ALDH3A2: variants seen among roughly 807,000 people sequenced by gnomAD.
ALDH3A2 encodes the protein aldehyde dehydrogenase family 3 member A2.
A neutral mutation model predicts 51.3 loss-of-function variants in ALDH3A2; 36 were observed. The observed-to-expected ratio is 0.70, with a 90% CI of 0.54 to 0.93. ALDH3A2 has a LOEUF of 0.93. ALDH3A2 is among the 40% of genes least tolerant of loss of function. The pLI is 0.00. For synonymous variants in ALDH3A2, 199 were observed against 219.8 expected (o/e 0.91, Z 0.84); for missense variants, 552 against 603.1 (o/e 0.92, Z 0.89).
At chr17:19,656,325 T>G in intron 3 of ALDH3A2, 41 bp from the exon 4 acceptor site, 1 of 1,516,680 alleles carries the variant, frequency 6.6e-7, no homozygotes, top group African/African-American at 1.4e-5. Flanking sequence ...ACGTTAGGAT[T>G]TATTTGGCAG....
intron 2 of ALDH3A2, among the ~76,000 whole-genome samples, chr17:19,652,164 G>GTATA (rs1327507437): frequency 6.6e-6 from 1 of 152,160 alleles, no homozygotes; most frequent in Non-Finnish European, 1.5e-5. Flanking sequence ...GCTAGCTTGG[G>GTATA]TATATAGCAA....
chr17:19,655,600 C>G (rs1254303113), intron 3 of ALDH3A2, among the ~76,000 whole-genome samples: 2 of 152,236 alleles, frequency 1.3e-5, no homozygotes, highest in African/African-American at 2.4e-5. Flanking sequence ...CAAGTGGAAA[C>G]ATGAGATCCA....
At chr17:19,662,746 A>G (rs1028119567) in intron 6 of ALDH3A2, among the ~76,000 whole-genome samples, 8 of 152,234 alleles carry the variant, frequency 5.3e-5, no homozygotes, top group Non-Finnish European at 8.8e-5. Flanking sequence ...TAAGAAAAAT[A>G]GTATTGATTT....
chr17:19,663,593 C>A (rs923328522), intron 7 of ALDH3A2, 94 bp downstream of exon 7: 3 of 1,418,092 alleles, frequency 2.1e-6, no homozygotes, highest in Admixed American at 1.8e-5. Context: ...CAATGTGAAA[C>A]AATGATGGTT....
chr17:19,650,503 G>C (rs1031498470), intron 1 of ALDH3A2, among the ~76,000 whole-genome samples: 3 of 151,904 alleles, frequency 2.0e-5, no homozygotes, highest in Non-Finnish European at 4.4e-5. Flanking sequence ...TCCCAGGCCG[G>C]ACTGCAGTGG....
rs2085120866 is a variant in ALDH3A2 at position 19,671,919 on chromosome 17, T to C, written c.1406T>C (p.Leu469Pro). 4 of 1,614,198 alleles carry C rather than the reference T, an allele frequency of 2.5e-6. No individual in the cohort carries two copies. The East Asian group carries it at 6.7e-5, about 27-fold the overall frequency. ...AAAGAAAAACTCGGTCTCCTGTTGC[T>C]CACTTTCCTGGGTATTGTAGCCGCT... is the stretch of plus-strand genomic sequence containing the variant. ...FNKEKLGLLL[L>P]TFLGIVAAVL... The change falls in exon 9 of 10, where the codon CTC becomes CCC. Residue 469 changes from leucine to proline, a missense_variant. Coordinates refer to ENST00000176643, the MANE Select transcript of ALDH3A2 (RefSeq NM_000382.3).
At chr17:19,655,690 AC>A (rs1413263940) in intron 3 of ALDH3A2, among the ~76,000 whole-genome samples, 1 of 152,134 alleles carries the variant, frequency 6.6e-6, no homozygotes. Context: ...CTGTTCTCTT[AC>A]TTTTGATGCT....
At chr17:19,658,428 G>T (rs2084925248) in intron 5 of ALDH3A2, among the ~76,000 whole-genome samples, 1 of 152,002 alleles carries the variant, frequency 6.6e-6, no homozygotes, top group Non-Finnish European at 1.5e-5. Context: ...ATTTAAGTTG[G>T]TAGAAAGGAA....
chr17:19,658,550 C>A (rs976310077), intron 5 of ALDH3A2, among the ~76,000 whole-genome samples: 2 of 151,790 alleles, frequency 1.3e-5, no homozygotes, highest in South Asian at 2.1e-4. Context: ...TATGGTGAAA[C>A]CCTGTCTCTA....
At chr17:19,649,290 C>G in intron 1 of ALDH3A2, 166 bp downstream of exon 1, 1 of 929,758 alleles carries the variant, frequency 1.1e-6, no homozygotes, top group South Asian at 1.7e-5. Context: ...CAGACTTTCC[C>G]GGTCCTCTAG....
intron 9 of ALDH3A2, chr17:19,673,027 C>T (rs768199988): frequency 1.1e-5 from 14 of 1,289,792 alleles, no homozygotes; most frequent in East Asian, 2.3e-5. Context: ...GGCAATAGAG[C>T]GAGACTCCAT....
chr17:19,660,882 A>G (rs1306577846), intron 5 of ALDH3A2, among the ~76,000 whole-genome samples: 2 of 152,118 alleles, frequency 1.3e-5, no homozygotes, highest in African/African-American at 4.8e-5. Context: ...ATCCATAAGA[A>G]CCTTTGGAAC....
Position 19,668,237 on chromosome 17 carries a change from A to T in ALDH3A2, c.1207+3190A>T, listed in dbSNP as rs181035768. On this transcript the variant is annotated intron_variant, in intron 8 of 9. Coordinates refer to ENST00000176643, the MANE Select transcript of ALDH3A2 (RefSeq NM_000382.3). ...AGATTTTAATTTTTCTTTTAATTTT[A>T]TCTATGATTTGAAGCGTTTATTTAT... Among the ~76,000 whole-genome samples the T allele has an allele frequency of 4.8e-3, 730 of 152,028 alleles. 3 individuals are homozygous for T. Among genetic ancestry groups the T allele is most frequent in the African/African-American group, 0.017 (692 of 41,466 alleles).
In ALDH3A2 at chr17:19,652,723, G is replaced by A. The variant is rs1303256298; in HGVS notation, c.471+91G>A. On this transcript the variant is annotated intron_variant, in intron 3 of 9. Transcript: ENST00000176643. The stretch of plus-strand genomic sequence containing the variant: ...TGCTATTGCATGTTATTGCTGGCCG[G>A]GGACCCAATTGCAGTCTCTTTAAGC... 6 of 1,130,192 alleles carry A rather than the reference G, an allele frequency of 5.3e-6. No individual in the cohort carries two copies. In the East Asian group the frequency reaches 9.4e-5, roughly 18 times the overall value. 70.0% of individuals were successfully genotyped at this position (1,130,192 alleles called of 1,614,324 possible).
chr17:19,658,484 G>T (rs973152598), intron 5 of ALDH3A2, among the ~76,000 whole-genome samples: 4 of 151,954 alleles, frequency 2.6e-5, no homozygotes, highest in Non-Finnish European at 5.9e-5. Context: ...CAGCACTTTG[G>T]GGGGCCTAGG....
chr17:19,670,807 C>T (rs1002067867), intron 8 of ALDH3A2, among the ~76,000 whole-genome samples: 2 of 152,150 alleles, frequency 1.3e-5, no homozygotes, highest in African/African-American at 4.8e-5. Flanking sequence ...GTGATCCACC[C>T]GCCTTGGCCT....
chr17:19,668,651 G>A lies in ALDH3A2; in HGVS notation c.1208-3070G>A, dbSNP rs1214144159. On this transcript the variant is annotated intron_variant, in intron 8 of 9. Transcript: ENST00000176643. ...TATAAATATCATCTGTAGGCTGGGT[G>A]CGGTTGCACACACCTGTAATCCCAG... Among the ~76,000 whole-genome samples, 2 of 77,648 alleles carry A rather than the reference G, an allele frequency of 2.6e-5. 1 individual carries two copies. Among genetic ancestry groups the A allele is most frequent in the Non-Finnish European group, 5.8e-5 (2 of 34,710 alleles). The allele number at this position is 77,648 out of a possible 152,430, so 50.9% of individuals were successfully genotyped here.
Position 19,651,597 on chromosome 17 carries a change from T to C in ALDH3A2, c.204T>C (p.Ile68=). 1 of 1,614,212 alleles carries C rather than the reference T, an allele frequency of 6.2e-7. No individual in the cohort carries two copies. The highest frequency in any genetic ancestry group is 8.5e-7 in the Non-Finnish European group (1 of 1,180,026). ...AAGTCATTACTGTCCTTGGGGAAAT[T>C]GATTTTATGCTTGAGAATCTTCCTG... ...SQEVITVLGE[I]DFMLENLPEW... is the part of the protein sequence containing the mutation. Residue 68 remains isoleucine (I), a synonymous_variant, in exon 2 of 10, where the codon ATT becomes ATC. Coordinates refer to ENST00000176643, the MANE Select transcript of ALDH3A2 (RefSeq NM_000382.3).
intron 4 of ALDH3A2, among the ~76,000 whole-genome samples, chr17:19,657,231 T>G (rs773130316): frequency 1.1e-4 from 17 of 152,256 alleles, no homozygotes; most frequent in Non-Finnish European, 2.2e-4. Flanking sequence ...AGTGAATGTT[T>G]AGGGCATGGG....
Sources: allele counts gnomAD v4.1 joint callset (sites outside exome capture counted in the v4.1 genomes callset), GRCh38; gene constraint gnomAD v4.1.1; transcripts MANE v1.5; gene names NCBI Gene and HGNC (gene_info 2026-07-23, HGNC 2026-07-21).